METTL5: variants seen among roughly 807,000 people sequenced by gnomAD.
METTL5 encodes the protein methyltransferase 5, N6-adenosine.
In METTL5, 28 loss-of-function variants were observed where a neutral mutation model predicts 26.5. The ratio of observed to expected loss-of-function variants is 1.06; its 90% confidence interval spans 0.78 to 1.45. The LOEUF (loss-of-function observed/expected upper bound fraction) is 1.45, where lower values mean the gene tolerates loss of function less well. Ranked by LOEUF, METTL5 falls within the 40% of genes most tolerant of loss-of-function variation. The probability of loss-of-function intolerance (pLI) is 0.00; values close to 1 mark genes in which losing one functional copy is unlikely to be tolerated. For synonymous variants in METTL5, 86 were observed against 82.6 expected (o/e 1.04, Z -0.22); for missense variants, 231 against 249.9 (o/e 0.92, Z 0.51).
intron 3 of METTL5, among the ~76,000 whole-genome samples, chr2:169,820,746 G>A (rs987083216): frequency 6.6e-6 from 1 of 152,168 alleles, no homozygotes; most frequent in African/African-American, 2.4e-5. Flanking sequence ...ACAGGGTCTT[G>A]CTGTTACCAA....
rs1196635177 is a variant in METTL5 at position 169,812,586 on chromosome 2, A to C, written c.542-80T>G. 4 of 1,437,530 alleles carry C rather than the reference A, an allele frequency of 2.8e-6. No individual in the cohort carries two copies. The African/African-American group carries it at 5.7e-5, about 21-fold the overall frequency. The allele number at this position is 1,437,530 out of a possible 1,614,324, so 89.0% of individuals were successfully genotyped here. A position where few individuals can be genotyped will look rare whatever the true frequency, so the allele number is the denominator to read the frequency against. On this transcript the variant is annotated intron_variant, in intron 5 of 6. Transcript: ENST00000260953. ...CTTGACTAAACAACAACAACAACAA[A>C]AACTAAGAAAAGTGTTAAGTGCTGG... is the stretch of plus-strand genomic sequence containing the variant.
chr2:169,824,445 G>A (rs1309407180), intron 1 of METTL5, 44 bp downstream of exon 1: 1 of 1,368,752 alleles, frequency 7.3e-7, no homozygotes, highest in African/African-American at 1.4e-5. Context: ...AGAGTAGACT[G>A]GACTAACGCC....
intron 5 of METTL5, among the ~76,000 whole-genome samples, chr2:169,814,899 T>G (rs1293966470): frequency 6.6e-6 from 1 of 151,312 alleles, no homozygotes; most frequent in Non-Finnish European, 1.5e-5. Flanking sequence ...ATTTGTTTGT[T>G]TTTGTTTTTT....
Position 169,824,729 on chromosome 2 carries a change from C to T in METTL5, c.-132G>A. On this transcript the variant is annotated 5_prime_UTR_variant, in exon 1 of 7. Transcript: ENST00000260953. ...CAGCACCGCTGGCCGGACCCGAAGA[C>T]GCGCCCTAAGGAGACGCCCGGACGC... The T allele has an allele frequency of 1.4e-6, 1 of 739,026 alleles. No individual in the cohort carries two copies. Among genetic ancestry groups the T allele is most frequent in the South Asian group, 1.6e-5 (1 of 61,700 alleles). The allele number at this position is 739,026 out of a possible 1,614,324, so 45.8% of individuals were successfully genotyped here.
At chr2:169,816,166 A>G (rs1251020281) in intron 4 of METTL5, among the ~76,000 whole-genome samples, 1 of 152,202 alleles carries the variant, frequency 6.6e-6, no homozygotes, top group Admixed American at 6.5e-5. Context: ...CTGTAGCATT[A>G]TTTCATTGAT....
chr2:169,819,379 G>A (rs2081552475), intron 4 of METTL5, among the ~76,000 whole-genome samples, 182 bp downstream of exon 4: 1 of 152,058 alleles, frequency 6.6e-6, no homozygotes, highest in Non-Finnish European at 1.5e-5. Context: ...GAGGAAATAA[G>A]TCTTATAGCC....
chr2:169,815,098 G>A (rs1335746270), intron 5 of METTL5, among the ~76,000 whole-genome samples: 1 of 151,690 alleles, frequency 6.6e-6, no homozygotes, highest in Non-Finnish European at 1.5e-5. Context: ...TCACCATGTT[G>A]GCCAGGCTGG....
chr2:169,821,552 A>C (rs2081585915), intron 2 of METTL5, among the ~76,000 whole-genome samples: 2 of 151,954 alleles, frequency 1.3e-5, no homozygotes, highest in South Asian at 4.1e-4. Flanking sequence ...CATCCAGCTA[A>C]TTTTTGTATT....
At chr2:169,816,100 G>C (rs925143005) in intron 4 of METTL5, among the ~76,000 whole-genome samples, 1 of 152,112 alleles carries the variant, frequency 6.6e-6, no homozygotes, top group African/African-American at 2.4e-5. Context: ...TGTTGTTAAA[G>C]GATGCATGAC....
intron 6 of METTL5, 27 bp downstream of exon 6, chr2:169,812,430 T>C (rs376957304): frequency 1.2e-6 from 2 of 1,613,958 alleles, no homozygotes; most frequent in South Asian, 1.1e-5. Context: ...ATACCGAATG[T>C]AGACCAGCCA....
rs201158754 is a variant in METTL5 at position 169,821,225 on chromosome 2, A to T, written c.273T>A (p.Asn91Lys). The change falls in exon 3 of 7, where the codon AAT becomes AAA. Residue 91 changes from asparagine to lysine, a missense_variant. Physicochemically the swap from Asn to Lys is moderately conservative, Grantham distance 94 (BLOSUM62 0). Transcript: ENST00000260953. ...TTAACTCAAACTCTTCTGCATTCCT[A>T]TTAAATATTTCCAATGCGTCTTCAT... ...DIDEDALEIF[N>K]RNAEEFELTN... 1 of 1,612,274 alleles carries T rather than the reference A, an allele frequency of 6.2e-7. No homozygotes were observed. Among genetic ancestry groups the T allele is most frequent in the South Asian group, 1.1e-5 (1 of 90,534 alleles).
chr2:169,816,313 G>A (rs536000920), intron 4 of METTL5, among the ~76,000 whole-genome samples: 8 of 152,176 alleles, frequency 5.3e-5, no homozygotes, highest in South Asian at 4.2e-4. Context: ...TCTATAGTTC[G>A]TTACTAGAGA....
At chr2:169,812,006 T>C (rs922641174) in intron 6 of METTL5, 148 bp from the exon 7 acceptor site, 3 of 859,816 alleles carry the variant, frequency 3.5e-6, no homozygotes, top group South Asian at 1.7e-5. Flanking sequence ...CTTTGTAATA[T>C]GAGAATGTAT....
intron 4 of METTL5, among the ~76,000 whole-genome samples, chr2:169,817,357 G>A (rs2081522952): frequency 6.6e-6 from 1 of 152,186 alleles, no homozygotes; most frequent in Non-Finnish European, 1.5e-5. Flanking sequence ...TTCAACCATT[G>A]TGGAAGACAG....
At chr2:169,821,323 A>T (rs752298234) in intron 2 of METTL5, 50 bp from the exon 3 acceptor site, 1 of 1,375,588 alleles carries the variant, frequency 7.3e-7, no homozygotes, top group Non-Finnish European at 9.6e-7. Flanking sequence ...GCTCCCAAGT[A>T]AAAACAAAAC....
At position 169,811,804 on chromosome 2, in the gene METTL5, T is replaced by C; in HGVS notation, c.*16A>G. The C allele has an allele frequency of 6.2e-7, 1 of 1,613,690 alleles. No individual in the cohort carries two copies. The highest frequency in any genetic ancestry group is 1.1e-5 in the South Asian group (1 of 90,992). On this transcript the variant is annotated 3_prime_UTR_variant, in exon 7 of 7. Coordinates refer to ENST00000260953, the MANE Select transcript of METTL5 (RefSeq NM_014168.4). Reference sequence around the variant, plus strand: ...CATTTTAAATAGGTTTTAAACGACTTTTGTTTGCGGGGCTTTTAAAAGGAA... The same window carrying C: ...CATTTTAAATAGGTTTTAAACGACTCTTGTTTGCGGGGCTTTTAAAAGGAA...
intron 5 of METTL5, 170 bp from the exon 6 acceptor site, chr2:169,812,676 C>T: frequency 9.3e-6 from 6 of 648,178 alleles, no homozygotes; most frequent in South Asian, 8.8e-5. Context: ...TAGCATTAGC[C>T]ATGGCAGCTT....
chr2:169,824,452 C>T (rs767284996), intron 1 of METTL5, 37 bp downstream of exon 1: 28 of 1,451,850 alleles, frequency 1.9e-5, no homozygotes, highest in South Asian at 1.6e-4. Context: ...ACTGGACTAA[C>T]GCCGAAAGCC....
At chr2:169,820,907 G>GTA (rs1194137407) in intron 3 of METTL5, among the ~76,000 whole-genome samples, 185 bp downstream of exon 3, 2 of 151,848 alleles carry the variant, frequency 1.3e-5, no homozygotes, top group Non-Finnish European at 2.9e-5. Flanking sequence ...GTGTGTGTGT[G>GTA]TGGGTAGAGG....
Sources: gnomAD v4.1 joint callset for allele counts (sites outside exome capture counted in the v4.1 genomes callset) on GRCh38, gnomAD v4.1.1 for gene constraint, MANE v1.5 for transcripts, NCBI Gene and HGNC (gene_info 2026-07-23, HGNC 2026-07-21) for gene names.